The following FAM81B variants were observed in gnomAD, a reference collection of about 807,000 sequenced individuals.
FAM81B encodes the protein family with sequence similarity 81 member B.
Under a neutral mutation model 58.7 loss-of-function variants are expected in FAM81B, and 60 were observed. That is an observed-to-expected ratio of 1.02 (90% CI 0.83 to 1.27). The LOEUF (loss-of-function observed/expected upper bound fraction) is 1.27, where lower values mean the gene tolerates loss of function less well. Among genes scored for constraint, FAM81B ranks in the 50% most tolerant of loss-of-function variants. FAM81B has a pLI of 0.00. For missense variants in FAM81B, 491 were observed against 522.0 expected (o/e 0.94, Z 0.58); for synonymous variants, 189 against 179.6 (o/e 1.05, Z -0.42).
intron 4 of FAM81B, among the ~76,000 whole-genome samples, 162 bp from the exon 5 acceptor site, chr5:95,420,122 T>C (rs144535069): frequency 6.6e-6 from 1 of 152,206 alleles, no homozygotes; most frequent in Non-Finnish European, 1.5e-5. Context: ...TTCCCTCAGA[T>C]AAATTAGCAG....
chr5:95,420,485 G>T (rs1041817763), intron 5 of FAM81B, 83 bp downstream of exon 5: 25 of 1,568,810 alleles, frequency 1.6e-5, no homozygotes, highest in Non-Finnish European at 2.2e-5. Context: ...CCATGCTGTG[G>T]AAAAAAGATA....
intron 7 of FAM81B, among the ~76,000 whole-genome samples, chr5:95,441,582 A>C (rs1745352966): frequency 6.6e-6 from 1 of 152,024 alleles, no homozygotes; most frequent in African/African-American, 2.4e-5. Context: ...TAAATAAATA[A>C]ATATAAATAA....
chr5:95,447,321 TAG>T (rs1031030608), intron 8 of FAM81B, among the ~76,000 whole-genome samples: 9 of 152,140 alleles, frequency 5.9e-5, no homozygotes, highest in African/African-American at 1.7e-4. Flanking sequence ...AGAACTTAGG[TAG>T]AGAGACTTTA....
At chr5:95,425,490 A>G (rs1762800578) in intron 5 of FAM81B, among the ~76,000 whole-genome samples, 1 of 152,242 alleles carries the variant, frequency 6.6e-6, no homozygotes, top group African/African-American at 2.4e-5. Flanking sequence ...CAACTAAGTT[A>G]CCTTTCAATC....
intron 3 of FAM81B, among the ~76,000 whole-genome samples, chr5:95,409,315 C>T (rs989678960): frequency 6.6e-6 from 1 of 151,896 alleles, no homozygotes; most frequent in East Asian, 1.9e-4. Flanking sequence ...TGTGCCACCA[C>T]ATCCGGCTAA....
chr5:95,405,355 CAGTCT>C (rs752652068), intron 3 of FAM81B, among the ~76,000 whole-genome samples: 1 of 152,198 alleles, frequency 6.6e-6, no homozygotes, highest in Non-Finnish European at 1.5e-5. Flanking sequence ...TAAATTTCCT[CAGTCT>C]GGTCTTCTAA....
chr5:95,443,530 G>C (rs1745444250), intron 7 of FAM81B, among the ~76,000 whole-genome samples: 1 of 152,034 alleles, frequency 6.6e-6, no homozygotes, highest in Admixed American at 6.6e-5. Context: ...TCTAAAATGT[G>C]AATGTCATCT....
intron 8 of FAM81B, 130 bp downstream of exon 8, chr5:95,446,827 ACAC>A: frequency 9.0e-7 from 1 of 1,115,128 alleles, no homozygotes; most frequent in Non-Finnish European, 1.3e-6. Context: ...TTTTTTTTAA[ACAC>A]CACAATAGGA....
At chr5:95,418,316 G>A (rs1245163097) in intron 4 of FAM81B, among the ~76,000 whole-genome samples, 1 of 152,110 alleles carries the variant, frequency 6.6e-6, no homozygotes, top group Non-Finnish European at 1.5e-5. Flanking sequence ...AAGTAGTGAT[G>A]CTGGCAATTC....
intron 6 of FAM81B, among the ~76,000 whole-genome samples, chr5:95,434,423 C>T (rs1343341202): frequency 6.6e-6 from 1 of 152,192 alleles, no homozygotes; most frequent in Non-Finnish European, 1.5e-5. Context: ...TCAAGTCATT[C>T]TGACTTCACC....
chr5:95,446,247 T>C (rs1745552026), intron 7 of FAM81B, among the ~76,000 whole-genome samples: 2 of 152,156 alleles, frequency 1.3e-5, no homozygotes, highest in African/African-American at 2.4e-5. Context: ...CCCCAGGCCA[T>C]GAGAGGAATT....
intron 3 of FAM81B, among the ~76,000 whole-genome samples, chr5:95,408,254 A>G (rs1690085839): frequency 6.6e-6 from 1 of 152,216 alleles, no homozygotes; most frequent in African/African-American, 2.4e-5. Context: ...GTAATATATT[A>G]AGGCCAAGAG....
rs527981540 is a variant in FAM81B, at chr5:95,423,875, A to G, written c.656+3473A>G. Among the ~76,000 whole-genome samples the G allele has an allele frequency of 1.7e-4, 26 of 152,308 alleles. No homozygotes were observed. The South Asian group carries it at 4.6e-3, about 27-fold the overall frequency. On this transcript the variant is annotated intron_variant, in intron 5 of 9. Coordinates refer to ENST00000283357, the MANE Select transcript of FAM81B (RefSeq NM_152548.3). ...ACATAATGATTTTCCACTAGTCAAC[A>G]GTCATAATTTTGAGAGACATTGGCA...
intron 5 of FAM81B, chr5:95,424,298 TAGACAGAC>T (rs768013844): frequency 8.9e-7 from 1 of 1,129,116 alleles, no homozygotes; most frequent in Non-Finnish European, 1.2e-6. Flanking sequence ...AGATAGATGA[TAGACAGAC>T]AGACAGATAA....
intron 3 of FAM81B, among the ~76,000 whole-genome samples, chr5:95,410,450 C>T (rs867356320): frequency 1.3e-5 from 2 of 152,166 alleles, no homozygotes; most frequent in South Asian, 2.1e-4. Context: ...CTAATGTTCA[C>T]AATCTGGCCC....
intron 4 of FAM81B, among the ~76,000 whole-genome samples, chr5:95,418,362 C>T (rs1354074044): frequency 6.6e-6 from 1 of 151,852 alleles, no homozygotes; most frequent in African/African-American, 2.4e-5. Flanking sequence ...GAGCTTTCTT[C>T]AGGGAAAAGG....
intron 2 of FAM81B, among the ~76,000 whole-genome samples, chr5:95,395,589 A>G (rs1375431836): frequency 6.6e-6 from 1 of 152,208 alleles, no homozygotes; most frequent in African/African-American, 2.4e-5. Flanking sequence ...ATTTTATTGA[A>G]TTAGAAGTTG....
chr5:95,448,125 T>C, intron 8 of FAM81B, 144 bp from the exon 9 acceptor site: 1 of 725,680 alleles, frequency 1.4e-6, no homozygotes, highest in Non-Finnish European at 2.2e-6. Flanking sequence ...CTCTTATACT[T>C]ATGAACACAG....
chr5:95,447,666 G>C (rs1371761746), intron 8 of FAM81B, among the ~76,000 whole-genome samples: 3 of 152,212 alleles, frequency 2.0e-5, no homozygotes, highest in Non-Finnish European at 4.4e-5. Flanking sequence ...AGAACCAAAA[G>C]GGTCATACCT....
Sources: allele counts gnomAD v4.1 joint callset (sites outside exome capture counted in the v4.1 genomes callset), GRCh38; gene constraint gnomAD v4.1.1; transcripts MANE v1.5; gene names NCBI Gene and HGNC (gene_info 2026-07-23, HGNC 2026-07-21).